MOB3B: variants seen among roughly 807,000 people sequenced by gnomAD.
MOB3B encodes MOB kinase activator 3B.
MOB3B carries 7 observed loss-of-function variants against 18.7 expected under a neutral mutation model. That is an observed-to-expected ratio of 0.37 (90% confidence interval 0.21 to 0.70). The LOEUF (loss-of-function observed/expected upper bound fraction) is 0.70. Among genes scored for constraint, MOB3B ranks in the 30% least tolerant of loss-of-function variants. The probability of loss-of-function intolerance (pLI) is 0.52; values close to 1 mark genes in which losing one functional copy is unlikely to be tolerated. For synonymous variants in MOB3B, 111 were observed against 99.9 expected (o/e 1.11, Z -0.66); for missense variants, 253 against 281.3 (o/e 0.90, Z 0.72).
intron 2 of MOB3B, among the ~76,000 whole-genome samples, chr9:27,393,076 C>T (rs1403801437): frequency 2.0e-5 from 3 of 152,246 alleles, no homozygotes; most frequent in African/African-American, 7.2e-5. Context: ...TAGATTCTGA[C>T]GGAGTTTCAC....
chr9:27,353,942 C>T (rs1821146759), intron 3 of MOB3B, among the ~76,000 whole-genome samples: 1 of 152,262 alleles, frequency 6.6e-6, no homozygotes, highest in Admixed American at 6.5e-5. Context: ...TGGGCTGTTT[C>T]CTCCAACAAG....
chr9:27,470,183 A>G, intron 1 of MOB3B, among the ~76,000 whole-genome samples: 1 of 151,918 alleles, frequency 6.6e-6, no homozygotes, highest in African/African-American at 2.4e-5. Flanking sequence ...AGAGATGTAG[A>G]TATAGATATT....
rs1820761740 is a variant in MOB3B, at chr9:27,329,830, C to T, written c.*757G>A. 6.6e-6 allele frequency: 1 copy of T among 152,616 alleles called. No homozygotes were observed. The highest frequency in any genetic ancestry group is 1.5e-5 in the Non-Finnish European group (1 of 68,024). 9.5% of individuals were successfully genotyped at this position (152,616 alleles called of 1,614,324 possible). On this transcript the variant is annotated 3_prime_UTR_variant, in exon 4 of 4. Transcript: ENST00000262244. ...GGAATGATGGTGGTTATAAAAAATA[C>T]ATTCTGATCAGGTGAACTGGTAACT... is the stretch of plus-strand genomic sequence containing the variant.
intron 2 of MOB3B, among the ~76,000 whole-genome samples, chr9:27,404,446 C>G (rs1479324227): frequency 1.5e-5 from 2 of 134,244 alleles, no homozygotes; most frequent in Non-Finnish European, 3.1e-5. Flanking sequence ...ACCTCTTGAA[C>G]TGCAAAGTTC....
At chr9:27,417,380 AAAAC>A (rs56379530) in intron 2 of MOB3B, among the ~76,000 whole-genome samples, 196 of 151,026 alleles carry the variant, frequency 1.3e-3, no homozygotes, top group Non-Finnish European at 1.6e-3. Context: ...AAAAGGAAAC[AAAAC>A]AAACAAACAA....
At chr9:27,493,248 C>G (rs1046731915) in intron 1 of MOB3B, among the ~76,000 whole-genome samples, 1 of 152,102 alleles carries the variant, frequency 6.6e-6, no homozygotes, top group Non-Finnish European at 1.5e-5. Context: ...GACAGAAGAA[C>G]GTGGATTGTG....
intron 2 of MOB3B, among the ~76,000 whole-genome samples, chr9:27,371,391 G>A (rs922563000): frequency 1.3e-5 from 2 of 152,150 alleles, no homozygotes; most frequent in African/African-American, 2.4e-5. Context: ...AGGGAAAGAC[G>A]GTGAGTGGAT....
At chr9:27,346,982 C>G (rs990333467) in intron 3 of MOB3B, among the ~76,000 whole-genome samples, 2 of 152,016 alleles carry the variant, frequency 1.3e-5, no homozygotes, top group African/African-American at 4.8e-5. Flanking sequence ...GGTAACAGAG[C>G]AAGACTCTAT....
chr9:27,360,920 A>G (rs962201416), intron 2 of MOB3B, among the ~76,000 whole-genome samples: 2 of 152,124 alleles, frequency 1.3e-5, no homozygotes, highest in African/African-American at 4.8e-5. Flanking sequence ...GGTAGAGCCA[A>G]GGAGAAGGTG....
chr9:27,364,615 T>C (rs1010392677), intron 2 of MOB3B, among the ~76,000 whole-genome samples: 12 of 152,232 alleles, frequency 7.9e-5, no homozygotes, highest in African/African-American at 2.9e-4. Context: ...AATGTAGCCA[T>C]ATGCAGATGA....
intron 1 of MOB3B, among the ~76,000 whole-genome samples, chr9:27,459,262 G>C (rs1416715479): frequency 6.6e-6 from 1 of 150,960 alleles, no homozygotes; most frequent in African/African-American, 2.4e-5. Context: ...CAAATAGTTA[G>C]AACAGTGCTT....
intron 2 of MOB3B, chr9:27,421,249 C>T (rs1159430776): frequency 6.6e-6 from 1 of 152,300 alleles, no homozygotes; most frequent in African/African-American, 2.4e-5. Flanking sequence ...TGCCACCACG[C>T]CCGGCTAATT....
intron 1 of MOB3B, among the ~76,000 whole-genome samples, chr9:27,507,907 C>T (rs1820083783): frequency 6.6e-6 from 1 of 152,146 alleles, no homozygotes; most frequent in Non-Finnish European, 1.5e-5. Flanking sequence ...GTTCTTCAAG[C>T]GATTAAAGCT....
Position 27,330,542 on chromosome 9 carries a change from C to G in MOB3B, c.*45G>C. The stretch of plus-strand genomic sequence containing the variant: ...TCCACCTCCTGCCCGCTCAGGGCAC[C>G]AGGAGGAAACAGCTTTCCTTTCTTC... On this transcript the variant is annotated 3_prime_UTR_variant, in exon 4 of 4. Coordinates refer to ENST00000262244, the MANE Select transcript of MOB3B (RefSeq NM_024761.5). 6.2e-7 allele frequency: 1 copy of G among 1,613,270 alleles called. No homozygotes were observed. Among genetic ancestry groups the G allele is most frequent in the African/African-American group, 1.3e-5 (1 of 75,026 alleles).
At chr9:27,440,157 C>A (rs1418517170) in intron 2 of MOB3B, among the ~76,000 whole-genome samples, 1 of 152,178 alleles carries the variant, frequency 6.6e-6, no homozygotes, top group Admixed American at 6.5e-5. Flanking sequence ...TTCTATAAAT[C>A]CCATTCAGAA....
intron 2 of MOB3B, among the ~76,000 whole-genome samples, chr9:27,406,800 G>A (rs554806009): frequency 5.3e-5 from 8 of 151,266 alleles, no homozygotes; most frequent in Admixed American, 3.9e-4. Context: ...AGAAAACACT[G>A]GGGAAATGCT....
rs1563853019 is a variant in MOB3B, at chr9:27,373,936, T to TA, written c.419-14701dup. Among the ~76,000 whole-genome samples, 5 of 152,358 alleles carry TA rather than the reference T, an allele frequency of 3.3e-5. No individual in the cohort carries two copies. In the South Asian group the frequency reaches 1.0e-3, roughly 32 times the overall value. ...CTTGATGAGTAAACAGGCTATATCC[T>TA]ACTCTTGCAGCAAGTAGCCTAGTCT... On this transcript the variant is annotated intron_variant, in intron 2 of 3. Coordinates refer to ENST00000262244, the MANE Select transcript of MOB3B (RefSeq NM_024761.5).
intron 2 of MOB3B, among the ~76,000 whole-genome samples, chr9:27,374,542 G>A (rs966345867): frequency 3.3e-5 from 5 of 152,074 alleles, no homozygotes; most frequent in African/African-American, 1.2e-4. Flanking sequence ...TTTGGTCTTG[G>A]TGAGGCAGGA....
intron 2 of MOB3B, among the ~76,000 whole-genome samples, chr9:27,405,053 G>C (rs539084480): frequency 3.3e-4 from 35 of 106,652 alleles, no homozygotes; most frequent in Non-Finnish European, 6.5e-4. Context: ...TTAGCCATTT[G>C]TATGTCTTCT....
Sources: allele counts gnomAD v4.1 joint callset (sites outside exome capture counted in the v4.1 genomes callset), GRCh38; gene constraint gnomAD v4.1.1; transcripts MANE v1.5; gene names NCBI Gene and HGNC (gene_info 2026-07-23, HGNC 2026-07-21).